The following TENM3 variants were observed in gnomAD, a reference collection of about 807,000 sequenced individuals.
TENM3 encodes teneurin-3.
TENM3 carries 63 observed loss-of-function variants against 255.1 expected under a neutral mutation model. The ratio of observed to expected loss-of-function variants is 0.25; its 90% confidence interval spans 0.20 to 0.30. The LOEUF is 0.30. Among genes scored for constraint, TENM3 ranks in the 10% least tolerant of loss-of-function variants. TENM3 has a pLI of 1.00. For synonymous variants in TENM3, 1,306 were observed against 1,322.3 expected, an observed-to-expected ratio of 0.99 and a Z score of 0.27; for missense variants, 2,929 against 3,461.1, an observed-to-expected ratio of 0.85 and a Z score of 3.86.
chr4:181,893,491 A>ACCG, the TENM3 span, among the ~76,000 whole-genome samples: 2 of 24,912 alleles, frequency 8.0e-5, no homozygotes, highest in Admixed American at 6.5e-4. Flanking sequence ...TCCCCTGCCC[A>ACCG]CCCCCCCCCC....
chr4:181,460,063 A>G, the TENM3 span, among the ~76,000 whole-genome samples: 1 of 151,850 alleles, frequency 6.6e-6, no homozygotes, highest in Non-Finnish European at 1.5e-5. Context: ...TACATATTTC[A>G]TGACATTCGT....
chr4:182,063,036 A>G, the TENM3 span, among the ~76,000 whole-genome samples: 1 of 152,242 alleles, frequency 6.6e-6, no homozygotes, highest in Non-Finnish European at 1.5e-5. Flanking sequence ...AACTTTTGAT[A>G]TGATAAATGA....
upstream of TENM3, among the ~76,000 whole-genome samples, chr4:182,240,623 A>G (rs1757190215): frequency 6.6e-6 from 1 of 152,136 alleles, no homozygotes; most frequent in African/African-American, 2.4e-5. Flanking sequence ...GTGGGTGATT[A>G]CCATCAGAGC....
the TENM3 span, among the ~76,000 whole-genome samples, chr4:181,839,643 T>A: frequency 6.6e-6 from 1 of 151,080 alleles, no homozygotes; most frequent in African/African-American, 2.4e-5. Context: ...TTTAAAAAAA[T>A]CGAATTTTAG....
intron 3 of TENM3, among the ~76,000 whole-genome samples, chr4:182,480,408 C>G (rs2151508564): frequency 6.6e-6 from 1 of 152,094 alleles, no homozygotes; most frequent in Admixed American, 6.5e-5. Context: ...CTAAAATATC[C>G]TAGAAACACA....
chr4:182,515,767 G>A (rs965159220), intron 3 of TENM3, among the ~76,000 whole-genome samples: 1 of 152,128 alleles, frequency 6.6e-6, no homozygotes, highest in Non-Finnish European at 1.5e-5. Flanking sequence ...AATTACTACT[G>A]TAAGTTATTT....
At position 182,793,952 on chromosome 4, in the gene TENM3, T is replaced by C; in HGVS notation, c.7213+67T>C. 1.4e-6 allele frequency: 2 copies of C among 1,396,594 alleles called. No individual in the cohort carries two copies. Among genetic ancestry groups the C allele is most frequent in the Non-Finnish European group, 1.9e-6 (2 of 1,040,008 alleles). The allele number at this position is 1,396,594 out of a possible 1,614,324, so 86.5% of individuals were successfully genotyped here. A position where few individuals can be genotyped will look rare whatever the true frequency, so the allele number is the denominator to read the frequency against. On this transcript the variant is annotated intron_variant, in intron 26 of 27. Coordinates refer to ENST00000511685, the MANE Select transcript of TENM3 (RefSeq NM_001080477.4). The surrounding 1 kb of genome is among the most constrained non-coding windows in gnomAD (Gnocchi z 5.7). Reference sequence around the variant, plus strand: ...TCATTAGATTAATACACAAAATAACTGGAAATGCTTTTTTAAAAAACTTTA... The same window carrying C: ...TCATTAGATTAATACACAAAATAACCGGAAATGCTTTTTTAAAAAACTTTA...
intron 1 of TENM3, among the ~76,000 whole-genome samples, chr4:182,161,278 T>A (rs1237801354): frequency 7.3e-6 from 1 of 137,776 alleles, no homozygotes; most frequent in Non-Finnish European, 1.6e-5. Context: ...TAGCCGGGCG[T>A]GGTGGCGGGC....
intron 1 of TENM3, among the ~76,000 whole-genome samples, chr4:182,266,054 T>C (rs1759222911): frequency 6.6e-6 from 1 of 152,218 alleles, no homozygotes. Flanking sequence ...CCTGGGGACA[T>C]GTGGAGTTAG....
At chr4:181,950,183 G>C in the TENM3 span, among the ~76,000 whole-genome samples, 2 of 152,024 alleles carry the variant, frequency 1.3e-5, no homozygotes, top group African/African-American at 4.8e-5. Flanking sequence ...CCTGGCTCAT[G>C]CTGGCTCAAA....
intron 1 of TENM3, among the ~76,000 whole-genome samples, chr4:182,273,865 A>G (rs944423251): frequency 6.6e-6 from 1 of 152,248 alleles, no homozygotes; most frequent in African/African-American, 2.4e-5. Flanking sequence ...GTTTAAATTT[A>G]ATGAAGGAGC....
chr4:181,728,579 TAGC>T, the TENM3 span, among the ~76,000 whole-genome samples: 3 of 152,318 alleles, frequency 2.0e-5, no homozygotes, highest in African/African-American at 7.2e-5. Flanking sequence ...GCATGGCTTT[TAGC>T]ATGCTAATGC....
At chr4:181,862,624 G>A in the TENM3 span, among the ~76,000 whole-genome samples, 1 of 152,088 alleles carries the variant, frequency 6.6e-6, no homozygotes, top group South Asian at 2.1e-4. Context: ...GATGTGCCAG[G>A]CACTGTAGCA....
chr4:182,490,072 A>G (rs1735139181), intron 3 of TENM3, among the ~76,000 whole-genome samples: 1 of 152,218 alleles, frequency 6.6e-6, no homozygotes, highest in African/African-American at 2.4e-5. Flanking sequence ...GGGCTTTAGT[A>G]GAGACACATT....
Position 182,796,783 on chromosome 4 carries a change from A to G in TENM3, c.7344+16A>G. On this transcript the variant is annotated intron_variant, in intron 27 of 27. Coordinates refer to ENST00000511685, the MANE Select transcript of TENM3 (RefSeq NM_001080477.4). ...TGATATACCGGTAAGAAACAAAAAG[A>G]CCTACGGAAAGGTGATAAGTAGCTT... 1 of 1,590,464 alleles carries G rather than the reference A, an allele frequency of 6.3e-7. No individual in the cohort carries two copies. Among genetic ancestry groups the G allele is most frequent in the Non-Finnish European group, 8.6e-7 (1 of 1,166,840 alleles).
chr4:182,040,027 G>T, the TENM3 span, among the ~76,000 whole-genome samples: 1 of 25,464 alleles, frequency 3.9e-5, no homozygotes, highest in Non-Finnish European at 7.1e-5. Context: ...AAGAGGGCAG[G>T]GGAGGGGAGG....
the TENM3 span, among the ~76,000 whole-genome samples, chr4:181,663,301 T>C: frequency 6.6e-6 from 1 of 152,100 alleles, no homozygotes; most frequent in Non-Finnish European, 1.5e-5. Flanking sequence ...TTGGTGGAAA[T>C]GGAGGTTGAA....
the TENM3 span, among the ~76,000 whole-genome samples, chr4:182,123,576 C>G: frequency 6.6e-6 from 1 of 152,180 alleles, no homozygotes; most frequent in Non-Finnish European, 1.5e-5. Context: ...AGAACACACA[C>G]AACATTTATT....
the TENM3 span, among the ~76,000 whole-genome samples, chr4:181,497,729 G>A: frequency 6.6e-6 from 1 of 152,074 alleles, no homozygotes; most frequent in African/African-American, 2.4e-5. Context: ...TGATTTGCTT[G>A]TTTGTTTTAA....
Sources: allele counts gnomAD v4.1 joint callset (sites outside exome capture counted in the v4.1 genomes callset), GRCh38; gene constraint gnomAD v4.1.1; non-coding constraint Gnocchi (gnomAD v3.1); transcripts MANE v1.5; gene names NCBI Gene and HGNC (gene_info 2026-07-23, HGNC 2026-07-21).